Variants in FGFR2 observed in about 807,000 individuals in gnomAD.
The protein encoded by FGFR2 is fibroblast growth factor receptor 2.
Under a neutral mutation model 95.9 loss-of-function variants are expected in FGFR2, and 19 were observed. That is an observed-to-expected ratio of 0.20 (90% CI 0.14 to 0.29). The LOEUF (loss-of-function observed/expected upper bound fraction) is 0.29. Among genes scored for constraint, FGFR2 ranks in the 10% least tolerant of loss-of-function variants. The pLI, the probability that FGFR2 is intolerant of heterozygous loss-of-function variation, is 1.00. For synonymous variants in FGFR2, 392 were observed against 393.3 expected (o/e 1.00, Z 0.04); for missense variants, 707 against 1,056.9 (o/e 0.67, Z 4.59).
rs554011965 is a variant in FGFR2 at position 121,543,936 on chromosome 10, T to C, written c.625-5221A>G. On this transcript the variant is annotated intron_variant, in intron 5 of 17. Transcript: ENST00000358487. ...GCTGCGGCAGGACATCCACCGCCTG[T>C]TGAACTTAGCTCTTTAAAAATGTCA... Among the ~76,000 whole-genome samples the C allele has an allele frequency of 1.1e-4, 17 of 152,316 alleles. No individual in the cohort carries two copies. In the South Asian group the frequency reaches 3.5e-3, roughly 32 times the overall value.
At chr10:121,577,552 T>C (rs4752570) in intron 2 of FGFR2, among the ~76,000 whole-genome samples, 49,999 of 151,932 alleles carry the variant, frequency 0.33, 9,183 homozygotes, top group Middle Eastern at 0.44. Flanking sequence ...TGCTGGTGCG[T>C]ACATGTGCGT....
At chr10:121,483,562 T>C in intron 17 of FGFR2, 136 bp downstream of exon 17, 1 of 686,556 alleles carries the variant, frequency 1.5e-6, no homozygotes, top group Non-Finnish European at 2.6e-6. Context: ...ATAGTTGAAC[T>C]ATCTGACCCT....
chr10:121,485,340 A>G lies in FGFR2; in HGVS notation c.2195+55T>C, dbSNP rs1448766898. 2 of 1,611,604 alleles carry G rather than the reference A, an allele frequency of 1.2e-6. No individual in the cohort carries two copies. The highest frequency in any genetic ancestry group is 8.5e-7 in the Non-Finnish European group (1 of 1,178,470). ...AAAAACGAGATACATCAGGAGAGGTATTACTGGTGTGGCAAGTCCACTGGG... is the reference window on the plus strand; with the variant it reads ...AAAAACGAGATACATCAGGAGAGGTGTTACTGGTGTGGCAAGTCCACTGGG... On this transcript the variant is annotated intron_variant, in intron 16 of 17. Coordinates refer to ENST00000358487, the MANE Select transcript of FGFR2 (RefSeq NM_000141.5). The surrounding 1 kb of genome is among the most constrained non-coding windows in gnomAD (Gnocchi z 4.2).
chr10:121,487,578 C>T (rs2133828022), intron 14 of FGFR2, among the ~76,000 whole-genome samples, 154 bp from the exon 15 acceptor site: 1 of 152,364 alleles, frequency 6.6e-6, no homozygotes, highest in South Asian at 2.1e-4. Flanking sequence ...GGACCATGAA[C>T]AATGTGTGAG....
At chr10:121,560,487 C>T (rs954928217) in intron 4 of FGFR2, among the ~76,000 whole-genome samples, 1 of 151,650 alleles carries the variant, frequency 6.6e-6, no homozygotes, top group South Asian at 2.1e-4. Context: ...TGGTGGTGGG[C>T]ACCTGTAGTC....
intron 5 of FGFR2, among the ~76,000 whole-genome samples, chr10:121,549,592 T>G (rs1391440995): frequency 6.6e-6 from 1 of 152,166 alleles, no homozygotes; most frequent in Non-Finnish European, 1.5e-5. Flanking sequence ...CTTCCAACAC[T>G]AGGTTACAAA....
At chr10:121,498,653 A>T (rs372556157) in intron 11 of FGFR2, 48 bp from the exon 12 acceptor site, 24 of 1,472,294 alleles carry the variant, frequency 1.6e-5, no homozygotes, top group Non-Finnish European at 2.0e-5. Flanking sequence ...CCTCTAACTC[A>T]TGGGCAGCTA....
Position 121,593,946 on chromosome 10 carries a change from G to A in FGFR2, c.-129C>T, listed in dbSNP as rs886046765. ...CTGCGGTGGGCTCAGGAACCGAGGC[G>A]CTGCCGCTGCTGCTGCAGTCACTAA... On this transcript the variant is annotated 5_prime_UTR_variant, in exon 2 of 18. Coordinates refer to ENST00000358487, the MANE Select transcript of FGFR2 (RefSeq NM_000141.5). The A allele has an allele frequency of 5.0e-5, 40 of 795,274 alleles. No individual in the cohort carries two copies. Among genetic ancestry groups the A allele is most frequent in the East Asian group, 7.9e-5 (3 of 37,968 alleles). The allele number at this position is 795,274 out of a possible 1,614,324, so 49.3% of individuals were successfully genotyped here. A position where few individuals can be genotyped will look rare whatever the true frequency, so the allele number is the denominator to read the frequency against.
At chr10:121,492,742 A>G (rs1846300998) in intron 13 of FGFR2, among the ~76,000 whole-genome samples, 1 of 152,148 alleles carries the variant, frequency 6.6e-6, no homozygotes, top group Non-Finnish European at 1.5e-5. Context: ...TTTCAAACCT[A>G]TTCTGGGTCC....
chr10:121,596,749 C>T (rs12268516), intron 1 of FGFR2: 11,331 of 193,966 alleles, frequency 0.058, 430 homozygotes, highest in Middle Eastern at 0.089. Flanking sequence ...CTCCCCACCA[C>T]CACCCCCTTT....
At chr10:121,506,465 C>G (rs1442605652) in intron 9 of FGFR2, among the ~76,000 whole-genome samples, 1 of 152,032 alleles carries the variant, frequency 6.6e-6, no homozygotes, top group African/African-American at 2.4e-5. Flanking sequence ...TGCAGCGTAG[C>G]CCCTCATCAC....
At chr10:121,480,502 G>T in intron 17 of FGFR2, 1 of 238,430 alleles carries the variant, frequency 4.2e-6, no homozygotes, top group Non-Finnish European at 8.4e-6. Context: ...CCTTTAAGTA[G>T]TTGAGACTAT....
intron 5 of FGFR2, among the ~76,000 whole-genome samples, chr10:121,542,177 T>TA (rs539992081): frequency 6.6e-5 from 10 of 151,810 alleles, no homozygotes; most frequent in Non-Finnish European, 1.5e-4. Context: ...CCAATTTATT[T>TA]AAAAAAAAGA....
chr10:121,487,953 C>A (rs765370165), intron 14 of FGFR2, 38 bp downstream of exon 14: 1 of 1,613,190 alleles, frequency 6.2e-7, no homozygotes, highest in African/African-American at 1.3e-5. Flanking sequence ...TGAGCCTCAC[C>A]CCCGCCCCTG....
chr10:121,549,687 G>C (rs1174640589), intron 5 of FGFR2, among the ~76,000 whole-genome samples: 1 of 152,172 alleles, frequency 6.6e-6, no homozygotes, highest in Non-Finnish European at 1.5e-5. Flanking sequence ...CTATGAAGAG[G>C]CCCGTGTGGC....
intron 11 of FGFR2, among the ~76,000 whole-genome samples, chr10:121,499,058 G>A (rs1847252215): frequency 6.6e-6 from 1 of 152,160 alleles, no homozygotes; most frequent in African/African-American, 2.4e-5. Flanking sequence ...GCGTTCCGAG[G>A]TGGGTTCAGA....
Position 121,538,213 on chromosome 10 carries a change from G to T in FGFR2, c.748+379C>A, listed in dbSNP as rs1896395. The T allele has an allele frequency of 0.019, 12,076 of 628,384 alleles. 1,108 individuals are homozygous for T. In the African/African-American group the frequency reaches 0.2, roughly 10 times the overall value. The allele number at this position is 628,384 out of a possible 1,614,324, so 38.9% of individuals were successfully genotyped here. A position where few individuals can be genotyped will look rare whatever the true frequency, so the allele number is the denominator to read the frequency against. The stretch of plus-strand genomic sequence containing the variant: ...ACTCTTCAGCTGGCCTTCTACAGTT[G>T]CCCTGTTGGGGAAATGATGCTTCTC... On this transcript the variant is annotated intron_variant, in intron 6 of 17. Coordinates refer to ENST00000358487, the MANE Select transcript of FGFR2 (RefSeq NM_000141.5).
At chr10:121,538,795 G>A (rs2134613712) in intron 5 of FGFR2, 80 bp from the exon 6 acceptor site, 1 of 1,589,876 alleles carries the variant, frequency 6.3e-7, no homozygotes, top group Admixed American at 1.7e-5. Context: ...GATTTAAAAA[G>A]AAGCTGAAGG....
At position 121,543,549 on chromosome 10, in the gene FGFR2, C is replaced by T. The variant is rs894292857; in HGVS notation, c.625-4834G>A. On this transcript the variant is annotated intron_variant, in intron 5 of 17. Transcript: ENST00000358487. ...AACAAAAAATGCATAAAATCTTATTCTCCCATCCCAGTCCCCCACTTTCAG... is the reference window on the plus strand; with the variant it reads ...AACAAAAAATGCATAAAATCTTATTTTCCCATCCCAGTCCCCCACTTTCAG... Among the ~76,000 whole-genome samples the T allele has an allele frequency of 2.0e-5, 3 of 152,102 alleles. No homozygotes were observed. In the East Asian group the frequency reaches 5.8e-4, roughly 29 times the overall value.
Sources: allele counts gnomAD v4.1 joint callset (sites outside exome capture counted in the v4.1 genomes callset), GRCh38; gene constraint gnomAD v4.1.1; non-coding constraint Gnocchi (gnomAD v3.1); transcripts MANE v1.5; gene names NCBI Gene and HGNC (gene_info 2026-07-23, HGNC 2026-07-21).